The following RFX7 variants were observed in gnomAD, a reference collection of about 807,000 sequenced individuals.
The protein encoded by RFX7 is regulatory factor X7.
A neutral mutation model predicts 111.8 loss-of-function variants in RFX7; 26 were observed. The ratio of observed to expected loss-of-function variants is 0.23; its 90% CI spans 0.17 to 0.32. RFX7 has a LOEUF of 0.32. Among genes scored for constraint, RFX7 ranks in the 10% least tolerant of loss-of-function variants. The probability of loss-of-function intolerance (pLI) is 1.00; values close to 1 mark genes in which losing one functional copy is unlikely to be tolerated. For synonymous variants in RFX7, 624 were observed against 624.4 expected (o/e 1.00, Z 0.01); for missense variants, 1,573 against 1,772.9 (o/e 0.89, Z 2.02).
intron 5 of RFX7, among the ~76,000 whole-genome samples, chr15:56,129,370 C>A (rs2042184250): frequency 6.7e-6 from 1 of 149,862 alleles, no homozygotes; most frequent in African/African-American, 2.5e-5. Context: ...AGTGAGACTC[C>A]CCCTCAAAAA....
chr15:56,171,348 T>G (rs372035543), intron 3 of RFX7, among the ~76,000 whole-genome samples: 2 of 152,238 alleles, frequency 1.3e-5, no homozygotes, highest in South Asian at 4.1e-4. Context: ...ATCAAGGACC[T>G]TAAGATGGGG....
Position 56,087,544 on chromosome 15 carries a change from A to C in RFX7, c.*5801T>G, listed in dbSNP as rs141183959. 4.4e-6 allele frequency: 2 copies of C among 456,604 alleles called. No individual in the cohort carries two copies. Among genetic ancestry groups the C allele is most frequent in the Non-Finnish European group, 8.8e-6 (2 of 226,966 alleles). 28.3% of individuals were successfully genotyped at this position (456,604 alleles called of 1,614,324 possible). On this transcript the variant is annotated 3_prime_UTR_variant, in exon 10 of 10. Transcript: ENST00000559447. Reference sequence around the variant, plus strand: ...AGTAGCACCCAAACCTTTTGGTTACATCTCTTTGAGTACTTGGTAAGTGTC... The same window carrying C: ...AGTAGCACCCAAACCTTTTGGTTACCTCTCTTTGAGTACTTGGTAAGTGTC...
At position 56,098,391 on chromosome 15, in the gene RFX7, A is replaced by G. The variant is rs983771610; in HGVS notation, c.812-15T>C. The G allele has an allele frequency of 1.2e-5, 18 of 1,565,202 alleles. No homozygotes were observed. The highest frequency in any genetic ancestry group is 1.5e-5 in the Non-Finnish European group (17 of 1,155,444). On this transcript the variant is annotated splice_polypyrimidine_tract_variant and intron_variant, in intron 8 of 9. Coordinates refer to ENST00000559447, the MANE Select transcript of RFX7 (RefSeq NM_022841.7). ...TCCTTTCATTCCTGAAAATAAACAG[A>G]AAGGAAAGCTGCAATAAATACTCTC...
chr15:56,207,437 A>T lies in RFX7; in HGVS notation c.162-28134T>A, dbSNP rs373713154. On this transcript the variant is annotated intron_variant, in intron 2 of 9. Transcript: ENST00000559447. The stretch of plus-strand genomic sequence containing the variant: ...TGACTAAAGTGGTAAATTTTATCTT[A>T]GTTGCATTTTACTATAATTAAAACA... Among the ~76,000 whole-genome samples the T allele has an allele frequency of 2.1e-3, 316 of 152,342 alleles. 3 individuals carry two copies. The highest frequency in any genetic ancestry group is 7.2e-3 in the African/African-American group (298 of 41,580).
chr15:56,122,047 C>A (rs566820836), intron 5 of RFX7, among the ~76,000 whole-genome samples: 1 of 152,190 alleles, frequency 6.6e-6, no homozygotes, highest in African/African-American at 2.4e-5. Flanking sequence ...TTGGTGAGGT[C>A]ATGTTTTTCT....
At chr15:56,135,974 T>C (rs1363998333) in intron 5 of RFX7, among the ~76,000 whole-genome samples, 2 of 152,180 alleles carry the variant, frequency 1.3e-5, no homozygotes, top group Admixed American at 1.3e-4. Context: ...CATTGATCTA[T>C]ATCTCTGTTT....
chr15:56,186,650 A>G (rs1567040744), intron 2 of RFX7, among the ~76,000 whole-genome samples: 1 of 152,062 alleles, frequency 6.6e-6, no homozygotes, highest in African/African-American at 2.4e-5. Context: ...ATGTGTATAT[A>G]TGTATAATAT....
rs781321725 is a variant in RFX7, at chr15:56,142,857, C to T, written c.322G>A (p.Ala108Thr). Residue 108 changes from alanine (A) to threonine (T), a missense_variant, in exon 5 of 10, where the codon GCC becomes ACC. Around this residue, in one of 7 missense-constraint regions of RFX7, gnomAD observed 191 missense variants for 194.2 expected, o/e 0.98. Transcript: ENST00000559447. ...MSSSRAQQMHAFSWIRNTLEE... is the reference protein window; with the variant it reads ...MSSSRAQQMHTFSWIRNTLEE... ...AGGGTATTCCGAATCCAGGAAAAGG[C>T]ATGCATTTGTTGTGCCCGACTAGAT... 8 of 1,613,508 alleles carry T rather than the reference C, an allele frequency of 5.0e-6. No individual in the cohort carries two copies. The highest frequency in any genetic ancestry group is 3.4e-6 in the Non-Finnish European group (4 of 1,179,738).
intron 2 of RFX7, among the ~76,000 whole-genome samples, chr15:56,188,110 A>T (rs1595996753): frequency 6.6e-6 from 1 of 152,190 alleles, no homozygotes; most frequent in African/African-American, 2.4e-5. Flanking sequence ...ATCTCAGCTG[A>T]AAAATGGAAG....
intron 2 of RFX7, among the ~76,000 whole-genome samples, chr15:56,206,061 T>C (rs959419930): frequency 9.9e-5 from 15 of 152,274 alleles, no homozygotes; most frequent in African/African-American, 3.6e-4. Context: ...AATTACCATA[T>C]GATCCAGCAG....
At position 56,094,639 on chromosome 15, in the gene RFX7, C is replaced by T; in HGVS notation, c.3089G>A (p.Ser1030Asn). 1.2e-6 allele frequency: 2 copies of T among 1,613,900 alleles called. No individual in the cohort carries two copies. The highest frequency in any genetic ancestry group is 1.7e-5 in the Admixed American group (1 of 60,008). ...GGCGTCATGATATGCCATACTGGAG[C>T]TTATTGGAGTGAATGCAAACGGATT... is the stretch of plus-strand genomic sequence containing the variant. The part of the protein sequence containing the change: ...CRNPFAFTPI[S>N]SSMAYHDASI... Residue 1030 changes from serine to asparagine, a missense_variant, in exon 10 of 10, where the codon AGC (serine) becomes AAC (asparagine). Around this residue, in one of 7 missense-constraint regions of RFX7, gnomAD observed 32 missense variants for 67.7 expected, o/e 0.47. Coordinates refer to ENST00000559447, the MANE Select transcript of RFX7 (RefSeq NM_022841.7).
In RFX7 at chr15:56,167,697, GTCT is replaced by G. The variant is rs2042799283; in HGVS notation, c.195+11570_195+11572del. On this transcript the variant is annotated intron_variant, in intron 3 of 9. Coordinates refer to ENST00000559447, the MANE Select transcript of RFX7 (RefSeq NM_022841.7). ...TATGCTACTACAAATATTTTCATTT[GTCT>G]TTACCAATAAACAGATAAATTTTTT... 3.3e-5 allele frequency among the ~76,000 whole-genome samples: 5 copies of G among 152,192 alleles called. No homozygotes were observed. The South Asian group carries it at 1.0e-3, about 32-fold the overall frequency.
intron 5 of RFX7, among the ~76,000 whole-genome samples, chr15:56,114,494 G>A (rs566604979): frequency 4.6e-5 from 7 of 151,590 alleles, no homozygotes; most frequent in Admixed American, 1.3e-4. Flanking sequence ...TATCGTTTTC[G>A]TATTGTTCTG....
chr15:56,113,047 G>A (rs1431199652), intron 5 of RFX7, among the ~76,000 whole-genome samples: 1 of 152,234 alleles, frequency 6.6e-6, no homozygotes, highest in Non-Finnish European at 1.5e-5. Flanking sequence ...CTTTTACACT[G>A]TTGGTGGGAA....
chr15:56,191,719 T>C (rs1249859804), intron 2 of RFX7, among the ~76,000 whole-genome samples: 1 of 152,114 alleles, frequency 6.6e-6, no homozygotes, highest in Non-Finnish European at 1.5e-5. Context: ...ATAGTAATTA[T>C]TACGATCTGT....
chr15:56,153,961 A>C (rs1401578950), intron 3 of RFX7, among the ~76,000 whole-genome samples: 4 of 152,218 alleles, frequency 2.6e-5, no homozygotes, highest in Admixed American at 2.6e-4. Context: ...ATACAAAATC[A>C]GTGTGCAAAA....
chr15:56,146,517 T>C (rs1329477144), intron 3 of RFX7, among the ~76,000 whole-genome samples: 2 of 152,136 alleles, frequency 1.3e-5, no homozygotes, highest in African/African-American at 2.4e-5. Flanking sequence ...AAAATATCAT[T>C]TTTGATCATA....
At chr15:56,108,800 A>G (rs145984614) in intron 5 of RFX7, among the ~76,000 whole-genome samples, 3 of 152,306 alleles carry the variant, frequency 2.0e-5, no homozygotes, top group East Asian at 1.9e-4. Flanking sequence ...AGAAAACCCT[A>G]TTGTCTCAGC....
rs1300337160 is a variant in RFX7, at chr15:56,243,179, C to A, written c.107G>T (p.Gly36Val). The part of the protein sequence containing the change: ...SGVALPALVP[G>V]LPGTEASALQ... ...CGCGCTGGCCTCTGTCCCTGGCAGCCCGGGCACAAGGGCTGGCAGGGCCAC... is the reference window on the plus strand; with the variant it reads ...CGCGCTGGCCTCTGTCCCTGGCAGCACGGGCACAAGGGCTGGCAGGGCCAC... The change falls in exon 2 of 10, where the codon GGG becomes GTG. Residue 36 changes from glycine to valine, a missense_variant. Around this residue, in one of 7 missense-constraint regions of RFX7, gnomAD observed 191 missense variants for 194.2 expected, o/e 0.98. Transcript: ENST00000559447. 19 of 1,355,474 alleles carry A rather than the reference C, an allele frequency of 1.4e-5. No individual in the cohort carries two copies. The highest frequency in any genetic ancestry group is 1.9e-5 in the Non-Finnish European group (19 of 1,016,878). 84.0% of individuals were successfully genotyped at this position (1,355,474 alleles called of 1,614,324 possible). A position where few individuals can be genotyped will look rare whatever the true frequency, so the allele number is the denominator to read the frequency against.
Sources: allele counts gnomAD v4.1 joint callset (sites outside exome capture counted in the v4.1 genomes callset), GRCh38; gene constraint gnomAD v4.1.1; regional missense constraint gnomAD v4.1.1; transcripts MANE v1.5; gene names NCBI Gene and HGNC (gene_info 2026-07-23, HGNC 2026-07-21).